PRKN: variants seen among roughly 807,000 people sequenced by gnomAD.
PRKN encodes the protein parkin RBR E3 ubiquitin protein ligase.
PRKN carries 56 observed loss-of-function variants against 59.5 expected under a neutral mutation model. The observed-to-expected ratio is 0.94, with a 90% CI of 0.76 to 1.18. The LOEUF is 1.18. Among genes scored for constraint, PRKN ranks in the 50% most tolerant of loss-of-function variants. The pLI, the probability that PRKN is intolerant of heterozygous loss-of-function variation, is 0.00. For synonymous variants in PRKN, 250 were observed against 222.1 expected (o/e 1.13, Z -1.12); for missense variants, 657 against 596.4 (o/e 1.10, Z -1.06).
At chr6:161,725,415 A>T (rs1787400840) in intron 7 of PRKN, among the ~76,000 whole-genome samples, 2 of 152,222 alleles carry the variant, frequency 1.3e-5, no homozygotes, top group South Asian at 4.1e-4. Context: ...GGAATCATTT[A>T]TCTTCAAAGA....
At chr6:161,443,561 G>T (rs1326483260) in intron 9 of PRKN, among the ~76,000 whole-genome samples, 1 of 152,120 alleles carries the variant, frequency 6.6e-6, no homozygotes, top group Non-Finnish European at 1.5e-5. Context: ...AAAGAAGCCT[G>T]ACAGTAGTTT....
chr6:161,996,175 T>C (rs1053659843), intron 5 of PRKN, among the ~76,000 whole-genome samples: 7 of 150,058 alleles, frequency 4.7e-5, no homozygotes, highest in East Asian at 3.9e-4. Context: ...ACGTGGTGTG[T>C]ACACACACAC....
rs1456247373 is a variant in PRKN, at chr6:161,466,333, T to C, written c.1084-79456A>G. ...AGTCTTATTACTTTTAGTAATTTTC[T>C]TCACTTAGGTTTTTTTTGATCTCAG... On this transcript the variant is annotated intron_variant, in intron 9 of 11. Transcript: ENST00000366898. The surrounding 1 kb of genome is among the most constrained non-coding windows in gnomAD (Gnocchi z 5.0). Among the ~76,000 whole-genome samples, 1 of 152,258 alleles carries C rather than the reference T, an allele frequency of 6.6e-6. No homozygotes were observed. The highest frequency in any genetic ancestry group is 2.4e-5 in the African/African-American group (1 of 41,464).
chr6:162,520,642 T>C (rs1396717916), intron 1 of PRKN, among the ~76,000 whole-genome samples: 1 of 152,228 alleles, frequency 6.6e-6, no homozygotes, highest in East Asian at 1.9e-4. Context: ...CAAGAGAGAC[T>C]GTATTGTCTT....
At chr6:162,161,999 AAG>A (rs1186229877) in intron 4 of PRKN, among the ~76,000 whole-genome samples, 183 of 152,306 alleles carry the variant, frequency 1.2e-3, no homozygotes, top group Non-Finnish European at 2.1e-3. Context: ...ATTCAACCAA[AAG>A]AAACAAAATG....
At chr6:161,387,674 G>A (rs1786320343) in intron 9 of PRKN, among the ~76,000 whole-genome samples, 1 of 152,166 alleles carries the variant, frequency 6.6e-6, no homozygotes, top group Admixed American at 6.5e-5. Flanking sequence ...CATGTCAGTG[G>A]ACTTACTTTC....
chr6:161,890,689 T>C (rs1158033727), intron 6 of PRKN, among the ~76,000 whole-genome samples: 1 of 152,228 alleles, frequency 6.6e-6, no homozygotes, highest in East Asian at 1.9e-4. Context: ...GGGAAAAGTC[T>C]GTCTTTCTCT....
chr6:161,514,395 T>A (rs1364774630), intron 9 of PRKN, among the ~76,000 whole-genome samples: 1 of 152,056 alleles, frequency 6.6e-6, no homozygotes, highest in Non-Finnish European at 1.5e-5. Context: ...GGACTGGGAC[T>A]CTGAACAGTT....
At chr6:162,074,643 C>G (rs905890150) in intron 4 of PRKN, among the ~76,000 whole-genome samples, 16 of 151,974 alleles carry the variant, frequency 1.1e-4, no homozygotes, top group African/African-American at 3.9e-4. Flanking sequence ...AAAAAAAAGT[C>G]ACATTTCTTA....
At chr6:161,700,438 A>G (rs183600511) in intron 7 of PRKN, among the ~76,000 whole-genome samples, 44 of 151,968 alleles carry the variant, frequency 2.9e-4, no homozygotes, top group African/African-American at 1.0e-3. Flanking sequence ...GCACTTCTCC[A>G]CTCAATTACA....
At chr6:162,561,155 A>G (rs9355399) in intron 1 of PRKN, among the ~76,000 whole-genome samples, 46,650 of 151,946 alleles carry the variant, frequency 0.31, 7,617 homozygotes, top group East Asian at 0.49. Context: ...TGGAGTGATG[A>G]AGATAAAGCT....
chr6:162,544,983 T>G (rs1406929113), intron 1 of PRKN, among the ~76,000 whole-genome samples: 1 of 150,000 alleles, frequency 6.7e-6, no homozygotes, highest in African/African-American at 2.4e-5. Flanking sequence ...GGCCTCAAGT[T>G]CATTTTAAAA....
intron 7 of PRKN, among the ~76,000 whole-genome samples, chr6:161,778,204 C>G (rs1790042313): frequency 6.6e-6 from 1 of 152,038 alleles, no homozygotes; most frequent in South Asian, 2.1e-4. Context: ...CAGGAGGAGT[C>G]ATTCCAATTT....
chr6:162,498,441 T>TC (rs1159651528), intron 1 of PRKN, among the ~76,000 whole-genome samples: 3 of 103,790 alleles, frequency 2.9e-5, no homozygotes, highest in African/African-American at 1.3e-4. Flanking sequence ...TCCTTTTTCT[T>TC]TTTTTTTTTT....
intron 4 of PRKN, among the ~76,000 whole-genome samples, chr6:162,148,641 GA>G (rs886434849): frequency 1.3e-5 from 2 of 151,844 alleles, no homozygotes; most frequent in Non-Finnish European, 2.9e-5. Flanking sequence ...TTAAAATGTG[GA>G]AAAAAGCCTA....
chr6:162,159,440 G>A (rs1327269628), intron 4 of PRKN, among the ~76,000 whole-genome samples: 1 of 152,152 alleles, frequency 6.6e-6, no homozygotes, highest in Non-Finnish European at 1.5e-5. Context: ...AGAAAGCACT[G>A]CTGAGAGAAA....
At chr6:162,043,811 A>G (rs573479270) in intron 5 of PRKN, among the ~76,000 whole-genome samples, 1 of 152,376 alleles carries the variant, frequency 6.6e-6, no homozygotes, top group East Asian at 1.9e-4. Context: ...TTCATACTGG[A>G]TCATCCATTT....
At position 161,473,630 on chromosome 6, in the gene PRKN, G is replaced by T. The variant is rs1790909158; in HGVS notation, c.1083+75224C>A. ...ATGGGTCAAAGCATACAAAGTTACA[G>T]GTAGGACAAATATTCTAGAAATGTA... On this transcript the variant is annotated intron_variant, in intron 9 of 11. Transcript: ENST00000366898. The surrounding 1 kb of genome is among the most constrained non-coding windows in gnomAD (Gnocchi z 4.1). Among the ~76,000 whole-genome samples the T allele has an allele frequency of 6.6e-6, 1 of 151,824 alleles. No individual in the cohort carries two copies. Among genetic ancestry groups the T allele is most frequent in the Non-Finnish European group, 1.5e-5 (1 of 67,948 alleles).
chr6:162,482,345 C>A (rs1162221288), intron 1 of PRKN, among the ~76,000 whole-genome samples: 3 of 152,176 alleles, frequency 2.0e-5, no homozygotes, highest in Non-Finnish European at 4.4e-5. Flanking sequence ...TACATCATCA[C>A]ATAAATACAT....
Sources: gnomAD v4.1 joint callset for allele counts (sites outside exome capture counted in the v4.1 genomes callset) on GRCh38, gnomAD v4.1.1 for gene constraint, Gnocchi (gnomAD v3.1) non-coding constraint, MANE v1.5 for transcripts, NCBI Gene and HGNC (gene_info 2026-07-23, HGNC 2026-07-21) for gene names.